AKAP13: variants seen among roughly 807,000 people sequenced by gnomAD.
AKAP13 encodes A-kinase anchor protein 13.
A neutral mutation model predicts 264.5 loss-of-function variants in AKAP13; 80 were observed. The observed-to-expected ratio is 0.30, with a 90% CI of 0.25 to 0.36. The LOEUF (loss-of-function observed/expected upper bound fraction) is 0.36, where lower values mean the gene tolerates loss of function less well. Among genes scored for constraint, AKAP13 ranks in the 10% least tolerant of loss-of-function variants. The probability of loss-of-function intolerance (pLI) is 1.00; values close to 1 mark genes in which losing one functional copy is unlikely to be tolerated. For missense variants in AKAP13, 3,712 were observed against 3,435.2 expected (o/e 1.08, Z -2.01); for synonymous variants, 1,380 against 1,250.2 (o/e 1.10, Z -2.19).
At chr15:85,492,553 A>G (rs1049139940) in intron 2 of AKAP13, among the ~76,000 whole-genome samples, 2 of 152,200 alleles carry the variant, frequency 1.3e-5, no homozygotes, top group Admixed American at 1.3e-4. Context: ...TTCCCCTTAA[A>G]TATTTCAGCA....
intron 2 of AKAP13, among the ~76,000 whole-genome samples, chr15:85,516,158 A>G (rs757231092): frequency 2.0e-5 from 3 of 152,218 alleles, no homozygotes; most frequent in African/African-American, 7.2e-5. Flanking sequence ...TGAATAAAAC[A>G]TGCTCTAATG....
intron 4 of AKAP13, among the ~76,000 whole-genome samples, chr15:85,540,404 G>A (rs529445262): frequency 1.3e-5 from 2 of 152,122 alleles, no homozygotes; most frequent in African/African-American, 4.8e-5. Context: ...TTACATCTGC[G>A]GCAAAGCTAT....
At chr15:85,504,694 C>CAAAA (rs60149423) in intron 2 of AKAP13, among the ~76,000 whole-genome samples, 2 of 105,712 alleles carry the variant, frequency 1.9e-5, no homozygotes, top group South Asian at 3.3e-4. Context: ...ACCCTGTCTC[C>CAAAA]AAAAAAAAAA....
At chr15:85,650,856 G>A (rs118034102) in intron 10 of AKAP13, among the ~76,000 whole-genome samples, 1,715 of 149,300 alleles carry the variant, frequency 0.011, 9 homozygotes, top group Non-Finnish European at 0.019. Context: ...CTGTGAACCA[G>A]TGGTAATGCT....
chr15:85,479,326 T>C (rs185633845), intron 1 of AKAP13, among the ~76,000 whole-genome samples: 2 of 152,334 alleles, frequency 1.3e-5, no homozygotes, highest in East Asian at 3.9e-4. Context: ...GAGCTGAACA[T>C]TGACTCTTTT....
chr15:85,440,358 C>T (rs531248694), intron 1 of AKAP13, among the ~76,000 whole-genome samples: 1 of 152,258 alleles, frequency 6.6e-6, no homozygotes, highest in South Asian at 2.1e-4. Context: ...ATTTAAATTT[C>T]CCTTTTCCTG....
chr15:85,527,601 CCTT>C (rs2077114069), intron 3 of AKAP13, among the ~76,000 whole-genome samples: 1 of 152,204 alleles, frequency 6.6e-6, no homozygotes. Flanking sequence ...TTAAATCTCT[CCTT>C]CCTCCTCTAA....
intron 1 of AKAP13, among the ~76,000 whole-genome samples, chr15:85,403,615 T>C (rs1449702687): frequency 2.0e-5 from 3 of 152,014 alleles, no homozygotes; most frequent in Admixed American, 6.6e-5. Flanking sequence ...CTGAGGTGGG[T>C]GGATCACCTG....
At chr15:85,631,254 G>C (rs2081786177) in intron 8 of AKAP13, among the ~76,000 whole-genome samples, 1 of 152,068 alleles carries the variant, frequency 6.6e-6, no homozygotes, top group Non-Finnish European at 1.5e-5. Context: ...TACATTCGTG[G>C]CTCTCTAGGC....
chr15:85,526,442 C>T (rs544578024), intron 3 of AKAP13, among the ~76,000 whole-genome samples: 5 of 151,044 alleles, frequency 3.3e-5, no homozygotes, highest in African/African-American at 4.9e-5. Flanking sequence ...GTGGCTGGCA[C>T]GTGTGTGTGT....
At chr15:85,397,273 A>C (rs1055749798) in intron 1 of AKAP13, among the ~76,000 whole-genome samples, 5 of 152,184 alleles carry the variant, frequency 3.3e-5, no homozygotes, top group African/African-American at 1.2e-4. Context: ...TCCTAAGTGC[A>C]TAGATTCTTT....
intron 35 of AKAP13, among the ~76,000 whole-genome samples, chr15:85,742,854 C>T (rs892369498): frequency 6.6e-6 from 1 of 152,072 alleles, no homozygotes; most frequent in African/African-American, 2.4e-5. Context: ...GCAGTTGTAG[C>T]TTTCTGCAGA....
At chr15:85,440,731 C>T (rs1197934003) in intron 1 of AKAP13, among the ~76,000 whole-genome samples, 1 of 152,182 alleles carries the variant, frequency 6.6e-6, no homozygotes, top group Non-Finnish European at 1.5e-5. Flanking sequence ...GCTGCTTTCT[C>T]AGAGCCATCC....
At chr15:85,609,114 C>T (rs1477778200) in intron 8 of AKAP13, among the ~76,000 whole-genome samples, 1 of 152,112 alleles carries the variant, frequency 6.6e-6, no homozygotes. Flanking sequence ...TTAATTATTT[C>T]TTAATGATGA....
intron 1 of AKAP13, among the ~76,000 whole-genome samples, chr15:85,480,153 C>G (rs1387226001): frequency 6.6e-6 from 1 of 152,200 alleles, no homozygotes; most frequent in Non-Finnish European, 1.5e-5. Flanking sequence ...GATATGTACA[C>G]TTAACATTTT....
At chr15:85,686,163 G>GTT (rs1334258468) in intron 16 of AKAP13, among the ~76,000 whole-genome samples, 2 of 133,972 alleles carry the variant, frequency 1.5e-5, no homozygotes, top group Non-Finnish European at 3.1e-5. Flanking sequence ...GTGTGTGTGT[G>GTT]TGTATGTGTG....
At chr15:85,470,829 CAG>C (rs2151022036) in intron 1 of AKAP13, among the ~76,000 whole-genome samples, 1 of 152,268 alleles carries the variant, frequency 6.6e-6, no homozygotes, top group African/African-American at 2.4e-5. Flanking sequence ...TGGGGAGAAA[CAG>C]AGATGCAGTA....
At chr15:85,663,209 C>G (rs1010706742) in intron 12 of AKAP13, among the ~76,000 whole-genome samples, 3 of 151,612 alleles carry the variant, frequency 2.0e-5, no homozygotes, top group Non-Finnish European at 4.4e-5. Context: ...ACCTGGGAGG[C>G]TAAGGCAGGA....
At chr15:85,646,496 A>C (rs1048935787) in intron 10 of AKAP13, among the ~76,000 whole-genome samples, 1 of 152,216 alleles carries the variant, frequency 6.6e-6, no homozygotes, top group Non-Finnish European at 1.5e-5. Flanking sequence ...TGGCCAGTTA[A>C]ATACAGATTT....
Sources: allele counts gnomAD v4.1 joint callset (sites outside exome capture counted in the v4.1 genomes callset), GRCh38; gene constraint gnomAD v4.1.1; transcripts MANE v1.5; gene names NCBI Gene and HGNC (gene_info 2026-07-23, HGNC 2026-07-21).